Variants in RANBP2 observed in about 807,000 individuals in gnomAD.
RANBP2 encodes the protein RAN binding protein 2.
A neutral mutation model predicts 303.6 loss-of-function variants in RANBP2; 57 were observed. The ratio of observed to expected loss-of-function variants is 0.19; its 90% confidence interval spans 0.15 to 0.23. The LOEUF (loss-of-function observed/expected upper bound fraction) is 0.23, where lower values mean the gene tolerates loss of function less well. Among genes scored for constraint, RANBP2 ranks in the 10% least tolerant of loss-of-function variants. The pLI is 1.00. For missense variants in RANBP2, 3,138 were observed against 3,780.8 expected (o/e 0.83, Z 4.46); for synonymous variants, 1,167 against 1,301.5 (o/e 0.90, Z 2.23).
At chr2:109,304,367 C>A in the RANBP2 span, among the ~76,000 whole-genome samples, 40,265 of 152,104 alleles carry the variant, frequency 0.26, 6,009 homozygotes, top group East Asian at 0.66. Context: ...TGGCTTATTT[C>A]GTTTAACATA....
At chr2:109,006,036 G>A in the RANBP2 span, among the ~76,000 whole-genome samples, 4 of 152,196 alleles carry the variant, frequency 2.6e-5, no homozygotes, top group Admixed American at 6.5e-5. Flanking sequence ...GGAAGTGGCG[G>A]TGTTGCTTCC....
At chr2:108,873,722 A>G in the RANBP2 span, 1 of 576,460 alleles carries the variant, frequency 1.7e-6, no homozygotes, top group Non-Finnish European at 3.0e-6. Flanking sequence ...CACACATAAA[A>G]TACGCTAACA....
the RANBP2 span, among the ~76,000 whole-genome samples, chr2:109,100,823 G>A: frequency 6.6e-6 from 1 of 152,334 alleles, no homozygotes; most frequent in East Asian, 1.9e-4. Context: ...TTAAAGAAAA[G>A]GTAAGCACAA....
chr2:108,767,499 T>C lies in RANBP2; in HGVS notation c.6960T>C (p.Val2320=). The C allele has an allele frequency of 6.2e-7, 1 of 1,611,948 alleles. No homozygotes were observed. The highest frequency in any genetic ancestry group is 8.5e-7 in the Non-Finnish European group (1 of 1,179,848). The change falls in exon 20 of 29, where the codon GTT becomes GTC. Residue 2320 remains valine (V), a synonymous_variant. Transcript: ENST00000283195. ...CTGTTGTTCCTTTACCTGATCTAGTTGAAGTATCCAGTGGTGAGGAAAATG... is the reference window on the plus strand; with the variant it reads ...CTGTTGTTCCTTTACCTGATCTAGTCGAAGTATCCAGTGGTGAGGAAAATG... ...FEPVVPLPDL[V]EVSSGEENEQ...
the RANBP2 span, among the ~76,000 whole-genome samples, chr2:109,148,020 C>G: frequency 6.6e-6 from 1 of 152,324 alleles, no homozygotes. Context: ...GTATCATGGA[C>G]AAGGTCAGTC....
At chr2:109,135,367 C>A in the RANBP2 span, among the ~76,000 whole-genome samples, 2 of 152,190 alleles carry the variant, frequency 1.3e-5, no homozygotes, top group African/African-American at 4.8e-5. Context: ...TGGTTTTAAT[C>A]TTGGCTTCCA....
At chr2:108,856,990 A>T in the RANBP2 span, 2 of 1,288,828 alleles carry the variant, frequency 1.6e-6, no homozygotes, top group African/African-American at 3.2e-5. Flanking sequence ...TAAGTTCTAT[A>T]TGTGTAAAGA....
the RANBP2 span, among the ~76,000 whole-genome samples, chr2:109,117,113 C>T: frequency 1.3e-5 from 2 of 152,208 alleles, no homozygotes; most frequent in Non-Finnish European, 2.9e-5. Context: ...GCAGTCTGCC[C>T]GTTCTCAGAT....
At chr2:109,123,239 G>A in the RANBP2 span, among the ~76,000 whole-genome samples, 1 of 152,130 alleles carries the variant, frequency 6.6e-6, no homozygotes, top group African/African-American at 2.4e-5. Context: ...CAGGTGCCCT[G>A]AGCTCTCACC....
chr2:109,065,602 A>G, the RANBP2 span, among the ~76,000 whole-genome samples: 1 of 152,164 alleles, frequency 6.6e-6, no homozygotes, highest in African/African-American at 2.4e-5. Context: ...CTCAGCCTGG[A>G]AAGGAGGCGG....
the RANBP2 span, chr2:109,398,747 G>T: frequency 1.2e-6 from 2 of 1,613,558 alleles, no homozygotes; most frequent in East Asian, 2.2e-5. Context: ...GCCTTTCAGC[G>T]GCGTGTGGAT....
At chr2:109,173,601 C>T in the RANBP2 span, among the ~76,000 whole-genome samples, 145 of 152,316 alleles carry the variant, frequency 9.5e-4, no homozygotes, top group African/African-American at 3.2e-3. Flanking sequence ...ACCCCGCAGC[C>T]TGCAGTGGTT....
chr2:109,369,778 C>T, the RANBP2 span, among the ~76,000 whole-genome samples: 1 of 152,148 alleles, frequency 6.6e-6, no homozygotes, highest in Non-Finnish European at 1.5e-5. Context: ...GGATGGACAC[C>T]AAACCCTACG....
the RANBP2 span, among the ~76,000 whole-genome samples, chr2:109,050,373 C>T: frequency 6.6e-6 from 1 of 152,164 alleles, no homozygotes; most frequent in East Asian, 1.9e-4. Context: ...CCCACCTCAG[C>T]CTCCTAAATA....
chr2:108,796,124 C>T, the RANBP2 span, among the ~76,000 whole-genome samples: 3 of 152,182 alleles, frequency 2.0e-5, no homozygotes, highest in East Asian at 5.8e-4. Context: ...TCTCGGCTCA[C>T]TGCAAGCTCC....
At chr2:109,541,623 C>T in the RANBP2 span, among the ~76,000 whole-genome samples, 3 of 152,180 alleles carry the variant, frequency 2.0e-5, no homozygotes, top group South Asian at 2.1e-4. Context: ...TGGCCCTTAC[C>T]GGAGCCCCAC....
chr2:109,449,618 T>A, the RANBP2 span: 1 of 1,221,266 alleles, frequency 8.2e-7, no homozygotes, highest in Non-Finnish European at 1.1e-6. Flanking sequence ...TGCCCCTAGA[T>A]GAACCAGGCG....
the RANBP2 span, among the ~76,000 whole-genome samples, chr2:109,324,675 C>T: frequency 2.0e-5 from 3 of 152,204 alleles, no homozygotes; most frequent in Non-Finnish European, 2.9e-5. Flanking sequence ...ACTCCTTTCT[C>T]CTGGATCCCA....
chr2:109,493,610 C>T, the RANBP2 span, among the ~76,000 whole-genome samples: 1 of 151,040 alleles, frequency 6.6e-6, no homozygotes, highest in African/African-American at 2.4e-5. Context: ...ACCACACACA[C>T]TGCAAACNCA....
Sources: allele counts gnomAD v4.1 joint callset (sites outside exome capture counted in the v4.1 genomes callset), GRCh38; gene constraint gnomAD v4.1.1; transcripts MANE v1.5; gene names NCBI Gene and HGNC (gene_info 2026-07-23, HGNC 2026-07-21).